FAM222B: variants seen among roughly 807,000 people sequenced by gnomAD.
The protein encoded by FAM222B is family with sequence similarity 222 member B, also known as protein FAM222B.
Under a neutral mutation model 38.0 loss-of-function variants are expected in FAM222B, and 12 were observed. The ratio of observed to expected loss-of-function variants is 0.32; its 90% CI spans 0.20 to 0.51. The LOEUF is 0.51. Ranked by LOEUF, FAM222B falls within the 20% of genes least tolerant of loss-of-function variation. FAM222B has a pLI of 0.97. For synonymous variants in FAM222B, 329 were observed against 317.2 expected (o/e 1.04, Z -0.40); for missense variants, 716 against 754.2 (o/e 0.95, Z 0.59).
Position 28,766,864 on chromosome 17 carries a change from G to A in FAM222B, c.-40-157C>T. 3 of 546,228 alleles carry A rather than the reference G, an allele frequency of 5.5e-6. No individual in the cohort carries two copies. In the South Asian group the frequency reaches 7.3e-5, roughly 13 times the overall value. The allele number at this position is 546,228 out of a possible 1,614,324, so 33.8% of individuals were successfully genotyped here. ...TGAAAGTATACTTACATCTTTATCT[G>A]TGACGACAATTTGCTGTCAAATATC... On this transcript the variant is annotated intron_variant, in intron 1 of 2. Coordinates refer to ENST00000581407, the MANE Select transcript of FAM222B (RefSeq NM_001077498.3).
At chr17:28,818,895 T>G (rs540183200) in intron 1 of FAM222B, among the ~76,000 whole-genome samples, 1 of 152,344 alleles carries the variant, frequency 6.6e-6, no homozygotes, top group African/African-American at 2.4e-5. Context: ...TTTGGCATCT[T>G]TAAATGCACA....
At chr17:28,814,651 G>A (rs999897484) in intron 1 of FAM222B, among the ~76,000 whole-genome samples, 2 of 152,038 alleles carry the variant, frequency 1.3e-5, no homozygotes, top group African/African-American at 2.4e-5. Context: ...ATTTTTACTC[G>A]AGACGGGGTT....
intron 1 of FAM222B, among the ~76,000 whole-genome samples, chr17:28,772,428 G>C (rs2035676484): frequency 6.6e-6 from 1 of 151,904 alleles, no homozygotes; most frequent in Non-Finnish European, 1.5e-5. Flanking sequence ...GATTTCAATA[G>C]AAAGAACAGA....
chr17:28,832,203 T>C (rs886112658), intron 1 of FAM222B, among the ~76,000 whole-genome samples: 1 of 151,062 alleles, frequency 6.6e-6, no homozygotes, highest in Non-Finnish European at 1.5e-5. Flanking sequence ...AAAAATAAAA[T>C]AAAAATAAAA....
chr17:28,846,600 C>T (rs902631381), upstream of FAM222B, among the ~76,000 whole-genome samples: 16 of 151,804 alleles, frequency 1.1e-4, no homozygotes, highest in East Asian at 3.9e-4. Context: ...GTCTGGGAGG[C>T]GGAGGTTGCA....
intron 1 of FAM222B, among the ~76,000 whole-genome samples, chr17:28,805,122 C>T (rs998704650): frequency 1.2e-4 from 18 of 151,986 alleles, no homozygotes; most frequent in Admixed American, 6.6e-5. Context: ...ACTTGGGAGG[C>T]CAAGGTGGGA....
At chr17:28,826,799 T>C (rs1168571160) in intron 1 of FAM222B, among the ~76,000 whole-genome samples, 1 of 151,620 alleles carries the variant, frequency 6.6e-6, no homozygotes, top group African/African-American at 2.4e-5. Context: ...GCTGAAAACA[T>C]AGTAGAAACT....
chr17:28,845,319 T>C (rs1337100884), upstream of FAM222B, among the ~76,000 whole-genome samples: 2 of 150,908 alleles, frequency 1.3e-5, no homozygotes, highest in Non-Finnish European at 1.5e-5. Flanking sequence ...GAGAATGGCG[T>C]GAAGCCCGGA....
chr17:28,850,382 A>C (rs1210308128), intron 1 of FAM222B, among the ~76,000 whole-genome samples: 2 of 151,790 alleles, frequency 1.3e-5, no homozygotes, highest in Non-Finnish European at 2.9e-5. Flanking sequence ...GCTCACTGCA[A>C]GCCCCGCTTC....
chr17:28,801,794 C>T (rs1305267312), intron 1 of FAM222B, among the ~76,000 whole-genome samples: 4 of 151,964 alleles, frequency 2.6e-5, no homozygotes, highest in Non-Finnish European at 5.9e-5. Flanking sequence ...AAGTCCTATC[C>T]TTTACATAAT....
rs754249813 is a variant in FAM222B at position 28,759,340 on chromosome 17, C to T, written c.619G>A (p.Gly207Ser). 1.3e-5 allele frequency: 21 copies of T among 1,610,182 alleles called. No homozygotes were observed. In the Admixed American group the frequency reaches 3.4e-4, roughly 26 times the overall value. ...GCCAGGGCCTGAGGGTGGACCAAGC[C>T]CTGGGTTTGGGCCATGGGCTGAGGG... ...GHPQPMAQTQ[G>S]LVHPQALAHQ... The change falls in exon 3 of 3, where the codon GGC becomes AGC. Residue 207 changes from glycine (G) to serine (S), a missense_variant. Gly to Ser is a moderately conservative substitution (Grantham distance 56). Coordinates refer to ENST00000581407, the MANE Select transcript of FAM222B (RefSeq NM_001077498.3). The surrounding 1 kb of genome is among the most constrained non-coding windows in gnomAD (Gnocchi z 4.8).
chr17:28,800,553 T>C (rs561950711), intron 1 of FAM222B, among the ~76,000 whole-genome samples: 2 of 152,296 alleles, frequency 1.3e-5, no homozygotes, highest in South Asian at 4.1e-4. Context: ...CTGGTTCAGC[T>C]TGGAGAAGAG....
At chr17:28,834,444 A>G (rs1196062711) in intron 1 of FAM222B, 1 of 152,130 alleles carries the variant, frequency 6.6e-6, no homozygotes, top group Non-Finnish European at 1.5e-5. Flanking sequence ...ACATTAAACT[A>G]GTCCACATGT....
chr17:28,854,890 A>G lies in FAM222B; in HGVS notation c.-41+60T>C. 3 of 833,150 alleles carry G rather than the reference A, an allele frequency of 3.6e-6. No individual in the cohort carries two copies. The South Asian group carries it at 5.8e-5, about 16-fold the overall frequency. 51.6% of individuals were successfully genotyped at this position (833,150 alleles called of 1,614,324 possible). On this transcript the variant is annotated intron_variant, in intron 1 of 2. Transcript: ENST00000577513. ...TTCCTTAGCCTCCACCAGTCTCCAG[A>G]GCAATTCCTCCTCCCGCCCACATCC... is the stretch of plus-strand genomic sequence containing the variant.
At chr17:28,786,830 G>A (rs563540850) in intron 1 of FAM222B, among the ~76,000 whole-genome samples, 11 of 151,452 alleles carry the variant, frequency 7.3e-5, no homozygotes, top group Non-Finnish European at 1.6e-4. Context: ...TTTCAGAAAG[G>A]ACAGTAAATT....
intron 1 of FAM222B, among the ~76,000 whole-genome samples, chr17:28,792,681 C>G (rs367898870): frequency 1.3e-5 from 2 of 149,818 alleles, no homozygotes; most frequent in African/African-American, 4.9e-5. Context: ...CTTGGGGGGC[C>G]AAGGCACGAG....
At chr17:28,792,958 T>C (rs572540148) in intron 1 of FAM222B, among the ~76,000 whole-genome samples, 13 of 152,044 alleles carry the variant, frequency 8.6e-5, no homozygotes, top group Admixed American at 7.9e-4. Flanking sequence ...CACTCTGTTG[T>C]CCAGGCTTCA....
chr17:28,852,511 C>T (rs768969919), intron 1 of FAM222B, among the ~76,000 whole-genome samples: 15 of 151,906 alleles, frequency 9.9e-5, no homozygotes, highest in African/African-American at 1.7e-4. Context: ...TGTGGTGGCC[C>T]GCATCTGTAG....
At chr17:28,829,408 T>G (rs1018056290) in intron 1 of FAM222B, among the ~76,000 whole-genome samples, 1 of 148,498 alleles carries the variant, frequency 6.7e-6, no homozygotes, top group Non-Finnish European at 1.5e-5. Flanking sequence ...CGACCTCAGG[T>G]GATCCGCCCC....
Sources: allele counts gnomAD v4.1 joint callset (sites outside exome capture counted in the v4.1 genomes callset), GRCh38; gene constraint gnomAD v4.1.1; non-coding constraint Gnocchi (gnomAD v3.1); transcripts MANE v1.5; gene names NCBI Gene and HGNC (gene_info 2026-07-23, HGNC 2026-07-21).